The following ACOXL variants were observed in gnomAD, a reference collection of about 807,000 sequenced individuals.
The protein encoded by ACOXL is acyl-coenzyme A oxidase-like protein.
In ACOXL, 70 loss-of-function variants were observed where a neutral mutation model predicts 71.9. That is an observed-to-expected ratio of 0.97 (90% CI 0.80 to 1.19). The LOEUF (loss-of-function observed/expected upper bound fraction) is 1.19, where lower values mean the gene tolerates loss of function less well. ACOXL is among the 50% of genes most tolerant of loss of function. The pLI is 0.00. For synonymous variants in ACOXL, 253 were observed against 281.6 expected, an observed-to-expected ratio of 0.90 and a Z score of 1.02; for missense variants, 703 against 736.3, an observed-to-expected ratio of 0.95 and a Z score of 0.52.
intron 11 of ACOXL, among the ~76,000 whole-genome samples, chr2:110,920,556 A>C (rs759975290): frequency 1.1e-4 from 17 of 152,176 alleles, no homozygotes; most frequent in Non-Finnish European, 2.2e-4. Flanking sequence ...TGCCTTAATA[A>C]GAGCAATAGT....
At chr2:110,928,269 A>G (rs1293109044) in intron 11 of ACOXL, among the ~76,000 whole-genome samples, 2 of 152,242 alleles carry the variant, frequency 1.3e-5, no homozygotes, top group Admixed American at 6.5e-5. Flanking sequence ...GTAGTAACTC[A>G]TTTAATGTCT....
intron 3 of ACOXL, among the ~76,000 whole-genome samples, chr2:110,788,128 C>G (rs576886576): frequency 6.6e-6 from 1 of 152,170 alleles, no homozygotes; most frequent in African/African-American, 2.4e-5. Context: ...CAGCATTCCA[C>G]TAACTGGATA....
In ACOXL at chr2:111,037,420, A is replaced by G. The variant is rs567828478; in HGVS notation, c.1369+5706A>G. On this transcript the variant is annotated intron_variant, in intron 15 of 17. Transcript: ENST00000439055. ...CTGGGGAGAGGGGGAAGAAAGGCAA[A>G]AGCAAAGTCTGACACCCGAATGATG... 5.3e-5 allele frequency among the ~76,000 whole-genome samples: 8 copies of G among 152,216 alleles called. No individual in the cohort carries two copies. The South Asian group carries it at 1.7e-3, about 32-fold the overall frequency.
At chr2:110,735,161 T>G (rs1428270112) in intron 1 of ACOXL, among the ~76,000 whole-genome samples, 1 of 152,272 alleles carries the variant, frequency 6.6e-6, no homozygotes, top group Non-Finnish European at 1.5e-5. Context: ...TGGTTAAAGA[T>G]TCTGATATCT....
At chr2:110,933,768 G>A in intron 12 of ACOXL, 126 bp downstream of exon 12, 1 of 1,230,734 alleles carries the variant, frequency 8.1e-7, no homozygotes, top group Non-Finnish European at 1.1e-6. Flanking sequence ...ATGACTCTGG[G>A]TTCCTTCCTT....
intron 10 of ACOXL, among the ~76,000 whole-genome samples, chr2:110,851,449 T>C (rs1053804757): frequency 6.6e-5 from 10 of 152,170 alleles, no homozygotes; most frequent in African/African-American, 2.4e-4. Flanking sequence ...TGAGTTCACA[T>C]TGAGCCACAT....
chr2:110,829,145 T>C (rs1007511574), intron 9 of ACOXL, among the ~76,000 whole-genome samples: 9 of 152,234 alleles, frequency 5.9e-5, no homozygotes, highest in Admixed American at 2.6e-4. Context: ...TTGGGGGCTT[T>C]GGATGATGTT....
chr2:110,989,015 T>C (rs2063061575), intron 13 of ACOXL, among the ~76,000 whole-genome samples: 1 of 152,162 alleles, frequency 6.6e-6, no homozygotes, highest in African/African-American at 2.4e-5. Context: ...TTGAGATAAA[T>C]TCATTAATTA....
chr2:110,938,392 C>G (rs1396774556), intron 12 of ACOXL, among the ~76,000 whole-genome samples: 2 of 152,228 alleles, frequency 1.3e-5, no homozygotes, highest in African/African-American at 4.8e-5. Context: ...CCTTCAGGCC[C>G]CAGCACCACA....
chr2:110,805,436 T>C, intron 9 of ACOXL, 41 bp downstream of exon 9: 1 of 1,613,220 alleles, frequency 6.2e-7, no homozygotes, highest in Non-Finnish European at 8.5e-7. Context: ...TACTGTGAAT[T>C]CTCTCACGAC....
At chr2:110,745,524 C>G (rs528150585) in intron 1 of ACOXL, among the ~76,000 whole-genome samples, 19 of 146,628 alleles carry the variant, frequency 1.3e-4, no homozygotes, top group African/African-American at 4.4e-4. Flanking sequence ...GATGCTTTCC[C>G]TTAGTCTCTG....
rs149392626 is a variant in ACOXL, at chr2:110,989,051, T to C, written c.1169+1834T>C. Among the ~76,000 whole-genome samples, 393 of 152,314 alleles carry C rather than the reference T, an allele frequency of 2.6e-3. 9 individuals carry two copies. The East Asian group carries it at 0.049, about 19-fold the overall frequency. On this transcript the variant is annotated intron_variant, in intron 13 of 17. Transcript: ENST00000439055. ...TAGTCGAACTTATCAATCTTTTCTT[T>C]TATATCCAACACTTTTTCTGCATCA...
chr2:110,982,125 G>GT, intron 12 of ACOXL, among the ~76,000 whole-genome samples: 1 of 152,078 alleles, frequency 6.6e-6, no homozygotes, highest in East Asian at 1.9e-4. Flanking sequence ...CAAATCCGTG[G>GT]TTTTTTGTTT....
intron 2 of ACOXL, among the ~76,000 whole-genome samples, chr2:110,772,695 A>G (rs779787536): frequency 1.3e-5 from 2 of 152,168 alleles, no homozygotes; most frequent in South Asian, 2.1e-4. Context: ...AGTGAGGGGC[A>G]TAGTTGCACC....
chr2:110,982,452 T>C (rs2062751016), intron 12 of ACOXL, among the ~76,000 whole-genome samples: 1 of 151,864 alleles, frequency 6.6e-6, no homozygotes, highest in Non-Finnish European at 1.5e-5. Context: ...TGTCATCCCT[T>C]CCATCTCTGC....
chr2:110,974,357 T>C lies in ACOXL; in HGVS notation c.1060-12751T>C, dbSNP rs184386165. Among the ~76,000 whole-genome samples the C allele has an allele frequency of 1.4e-3, 216 of 152,338 alleles. 6 individuals carry two copies. Among genetic ancestry groups the C allele is most frequent in the Admixed American group, 0.013 (203 of 15,308 alleles). ...GATTGAGGGGATGTGCTGTGGCATTTCTGCAGGCTTTACATGTTTCCCTTT... is the reference window on the plus strand; with the variant it reads ...GATTGAGGGGATGTGCTGTGGCATTCCTGCAGGCTTTACATGTTTCCCTTT... On this transcript the variant is annotated intron_variant, in intron 12 of 17. Coordinates refer to ENST00000439055, the MANE Select transcript of ACOXL (RefSeq NM_001142807.4).
intron 1 of ACOXL, among the ~76,000 whole-genome samples, chr2:110,767,828 G>T (rs1351716976): frequency 6.6e-6 from 1 of 152,146 alleles, no homozygotes; most frequent in Non-Finnish European, 1.5e-5. Flanking sequence ...GCTCACGCCT[G>T]TAATCCCAGC....
chr2:110,791,087 C>T (rs1684592794), intron 3 of ACOXL, among the ~76,000 whole-genome samples: 1 of 152,264 alleles, frequency 6.6e-6, no homozygotes, highest in Non-Finnish European at 1.5e-5. Context: ...GAGCCCTCCA[C>T]TTCCAATCCC....
At chr2:111,063,767 T>C (rs1404226226) in intron 16 of ACOXL, among the ~76,000 whole-genome samples, 1 of 152,226 alleles carries the variant, frequency 6.6e-6, no homozygotes, top group East Asian at 1.9e-4. Flanking sequence ...CTAGGAGTTC[T>C]AGCCAGTGCA....
Sources: allele counts gnomAD v4.1 joint callset (sites outside exome capture counted in the v4.1 genomes callset), GRCh38; gene constraint gnomAD v4.1.1; transcripts MANE v1.5; gene names NCBI Gene and HGNC (gene_info 2026-07-23, HGNC 2026-07-21).